Variants in USP10 observed in about 807,000 individuals in gnomAD.
USP10 encodes ubiquitin carboxyl-terminal hydrolase 10.
Under a neutral mutation model 84.5 loss-of-function variants are expected in USP10, and 22 were observed. The ratio of observed to expected loss-of-function variants is 0.26; its 90% CI spans 0.19 to 0.37. The LOEUF is 0.37. Ranked by LOEUF, USP10 falls within the 10% of genes least tolerant of loss-of-function variation. The pLI is 1.00. For synonymous variants in USP10, 454 were observed against 387.6 expected, an observed-to-expected ratio of 1.17 and a Z score of -2.01; for missense variants, 1,019 against 998.9, an observed-to-expected ratio of 1.02 and a Z score of -0.27.
chr16:84,775,426 C>T (rs1335341332), intron 13 of USP10, among the ~76,000 whole-genome samples: 1 of 152,174 alleles, frequency 6.6e-6, no homozygotes, highest in Non-Finnish European at 1.5e-5. Flanking sequence ...GCCCTGAGGA[C>T]AGATAACAGA....
intron 2 of USP10, among the ~76,000 whole-genome samples, chr16:84,735,132 G>T (rs1909732680): frequency 6.6e-6 from 1 of 151,754 alleles, no homozygotes; most frequent in African/African-American, 2.4e-5. Flanking sequence ...CCCGCCTCAG[G>T]GGGGTTCTCA....
At chr16:84,770,318 A>G (rs1317653276) in intron 11 of USP10, among the ~76,000 whole-genome samples, 1 of 152,092 alleles carries the variant, frequency 6.6e-6, no homozygotes, top group Non-Finnish European at 1.5e-5. Flanking sequence ...ATTTTCTTGA[A>G]TGTGTTTTTT....
chr16:84,764,391 C>G, intron 10 of USP10, 128 bp downstream of exon 10: 2 of 1,258,382 alleles, frequency 1.6e-6, no homozygotes, highest in Non-Finnish European at 2.3e-6. Flanking sequence ...GCTCCCCTGC[C>G]TGCTCTTCTC....
intron 10 of USP10, among the ~76,000 whole-genome samples, chr16:84,767,394 T>G: frequency 6.6e-6 from 1 of 152,206 alleles, no homozygotes; most frequent in East Asian, 1.9e-4. Flanking sequence ...TTGGCGCCCT[T>G]CTTGGAAGGG....
At position 84,770,393 on chromosome 16, in the gene USP10, G is replaced by A. The variant is rs1914305035; in HGVS notation, c.1998+2035G>A. On this transcript the variant is annotated intron_variant, in intron 11 of 13. Coordinates refer to ENST00000219473, the MANE Select transcript of USP10 (RefSeq NM_005153.3). Reference sequence around the variant, plus strand: ...TTAGATCAGAAGTATTTTTCTGTGGGAACATGTGAAGGTTTTGGGGAAAAT... The same window carrying A: ...TTAGATCAGAAGTATTTTTCTGTGGAAACATGTGAAGGTTTTGGGGAAAAT... Among the ~76,000 whole-genome samples, 6 of 152,134 alleles carry A rather than the reference G, an allele frequency of 3.9e-5. No homozygotes were observed. In the South Asian group the frequency reaches 1.2e-3, roughly 32 times the overall value.
chr16:84,774,934 C>G lies in USP10; in HGVS notation c.2144-226C>G, dbSNP rs572992851. On this transcript the variant is annotated intron_variant, in intron 12 of 13. Coordinates refer to ENST00000219473, the MANE Select transcript of USP10 (RefSeq NM_005153.3). ...AGGAGCATCACAGCCTCGGCCGTTG[C>G]TCCTGTTTCTTTAGTGAGCTGGCTG... 6.0e-4 allele frequency among the ~76,000 whole-genome samples: 91 copies of G among 152,172 alleles called. 1 individual carries two copies. The highest frequency in any genetic ancestry group is 9.1e-4 in the Non-Finnish European group (62 of 68,038).
intron 2 of USP10, among the ~76,000 whole-genome samples, chr16:84,737,135 G>A (rs1910040569): frequency 6.6e-6 from 1 of 152,206 alleles, no homozygotes; most frequent in Admixed American, 6.5e-5. Context: ...TGTGGTTCAG[G>A]AGAGTCTTTG....
chr16:84,735,994 T>A (rs987220058), intron 2 of USP10, among the ~76,000 whole-genome samples: 14 of 149,728 alleles, frequency 9.4e-5, no homozygotes, highest in African/African-American at 3.2e-4. Flanking sequence ...CGAGGGCGTG[T>A]CACTTGGACC....
intron 4 of USP10, among the ~76,000 whole-genome samples, chr16:84,751,000 GTTTA>G (rs1309213631): frequency 5.9e-5 from 9 of 152,196 alleles, no homozygotes; most frequent in Admixed American, 5.9e-4. Flanking sequence ...CCCTGTCCGT[GTTTA>G]TTTAAGTGTA....
At chr16:84,764,628 C>T (rs186294251) in intron 10 of USP10, among the ~76,000 whole-genome samples, 3 of 152,138 alleles carry the variant, frequency 2.0e-5, no homozygotes, top group East Asian at 3.9e-4. Context: ...GTTAGAAGTT[C>T]GAGATCAACC....
At chr16:84,708,431 A>G (rs1418394520) in intron 1 of USP10, among the ~76,000 whole-genome samples, 1 of 152,214 alleles carries the variant, frequency 6.6e-6, no homozygotes, top group Non-Finnish European at 1.5e-5. Flanking sequence ...AGCCTGGACG[A>G]AAGAGTGAAA....
intron 12 of USP10, among the ~76,000 whole-genome samples, chr16:84,774,851 G>A (rs1179815550): frequency 6.6e-6 from 1 of 152,144 alleles, no homozygotes; most frequent in African/African-American, 2.4e-5. Flanking sequence ...TTGTTTTTAA[G>A]TCAGCAGCTT....
chr16:84,707,594 A>T (rs796337896), intron 1 of USP10, among the ~76,000 whole-genome samples: 3 of 152,274 alleles, frequency 2.0e-5, no homozygotes, highest in African/African-American at 7.2e-5. Flanking sequence ...TTATTGAGCA[A>T]ACCTTGTTTT....
intron 12 of USP10, among the ~76,000 whole-genome samples, chr16:84,773,231 A>T (rs3893782): frequency 4.6e-5 from 7 of 151,948 alleles, no homozygotes; most frequent in African/African-American, 1.7e-4. Flanking sequence ...AGCTTCAAGA[A>T]GACTTTTCTT....
At chr16:84,749,406 T>C (rs971596302) in intron 4 of USP10, among the ~76,000 whole-genome samples, 2 of 152,166 alleles carry the variant, frequency 1.3e-5, no homozygotes, top group African/African-American at 4.8e-5. Context: ...ACTGAGACAG[T>C]GGTATTTGTG....
intron 1 of USP10, among the ~76,000 whole-genome samples, chr16:84,717,391 C>T (rs1481772562): frequency 6.6e-6 from 1 of 152,196 alleles, no homozygotes. Flanking sequence ...TTGTCTAGAG[C>T]ATAATGGACA....
intron 1 of USP10, among the ~76,000 whole-genome samples, chr16:84,715,285 C>G (rs933664166): frequency 6.6e-6 from 1 of 152,128 alleles, no homozygotes; most frequent in Non-Finnish European, 1.5e-5. Flanking sequence ...ACTATTTCAG[C>G]TATTGCTGTA....
chr16:84,772,449 C>T, intron 11 of USP10, 92 bp from the exon 12 acceptor site: 1 of 1,571,980 alleles, frequency 6.4e-7, no homozygotes, highest in Admixed American at 1.7e-5. Flanking sequence ...GGCCTCACCT[C>T]TCAGAGGACG....
At chr16:84,754,553 C>A (rs1597371713) in intron 4 of USP10, among the ~76,000 whole-genome samples, 1 of 152,248 alleles carries the variant, frequency 6.6e-6, no homozygotes, top group East Asian at 1.9e-4. Context: ...AGTTATTGAA[C>A]AAACCACTGG....
Sources: allele counts gnomAD v4.1 joint callset (sites outside exome capture counted in the v4.1 genomes callset), GRCh38; gene constraint gnomAD v4.1.1; transcripts MANE v1.5; gene names NCBI Gene and HGNC (gene_info 2026-07-23, HGNC 2026-07-21).